CSMD1: variants seen among roughly 807,000 people sequenced by gnomAD.
CSMD1 encodes CUB and sushi domain-containing protein 1.
In CSMD1, 213 loss-of-function variants were observed where a neutral mutation model predicts 417.5. The ratio of observed to expected loss-of-function variants is 0.51; its 90% CI spans 0.46 to 0.57. The LOEUF (loss-of-function observed/expected upper bound fraction) is 0.57. Among genes scored for constraint, CSMD1 ranks in the 20% least tolerant of loss-of-function variants. The pLI is 0.00. For missense variants in CSMD1, 6,923 were observed against 4,529.7 expected, an observed-to-expected ratio of 1.53 and a Z score of -15.17; for synonymous variants, 2,862 against 1,736.8, an observed-to-expected ratio of 1.65 and a Z score of -16.11.
At chr8:4,730,902 C>T (rs1018064665) in intron 1 of CSMD1, among the ~76,000 whole-genome samples, 2 of 127,544 alleles carry the variant, frequency 1.6e-5, no homozygotes, top group East Asian at 2.5e-4. Flanking sequence ...GTGACTAAAC[C>T]GTGCTTTGTT....
rs1009246643 is a variant in CSMD1 at position 3,474,441 on chromosome 8, C to T, written c.1449-5617G>A. 3.3e-5 allele frequency among the ~76,000 whole-genome samples: 5 copies of T among 152,140 alleles called. No homozygotes were observed. The East Asian group carries it at 7.7e-4, about 24-fold the overall frequency. Reference sequence around the variant, plus strand: ...TTATTTATCCCTTGATGTAACCAACCTGCACCCCTATGAATGTCACTCATC... The same window carrying T: ...TTATTTATCCCTTGATGTAACCAACTTGCACCCCTATGAATGTCACTCATC... On this transcript the variant is annotated intron_variant, in intron 11 of 69. Coordinates refer to ENST00000635120, the MANE Select transcript of CSMD1 (RefSeq NM_033225.6).
chr8:3,405,001 C>G (rs1161525), intron 15 of CSMD1, among the ~76,000 whole-genome samples: 1 of 152,124 alleles, frequency 6.6e-6, no homozygotes, highest in Non-Finnish European at 1.5e-5. Flanking sequence ...AGGAATATAA[C>G]TTATGACTCA....
At chr8:4,502,803 C>A (rs1004123495) in intron 2 of CSMD1, among the ~76,000 whole-genome samples, 4 of 152,092 alleles carry the variant, frequency 2.6e-5, no homozygotes, top group Admixed American at 2.0e-4. Flanking sequence ...TTGGACTCAC[C>A]AGTAAATCCC....
At chr8:4,129,729 G>A (rs4875288) in intron 3 of CSMD1, among the ~76,000 whole-genome samples, 61,149 of 151,540 alleles carry the variant, frequency 0.4, 12,572 homozygotes, top group Non-Finnish European at 0.43. Context: ...CAGTTTTCTT[G>A]GGCCCTTTCA....
intron 12 of CSMD1, among the ~76,000 whole-genome samples, chr8:3,430,239 G>A (rs926002763): frequency 6.6e-6 from 1 of 152,038 alleles, no homozygotes; most frequent in Non-Finnish European, 1.5e-5. Context: ...TGCTATAAGG[G>A]AGATGTTATT....
chr8:3,519,149 T>G (rs893339987), intron 10 of CSMD1, among the ~76,000 whole-genome samples: 29 of 152,194 alleles, frequency 1.9e-4, no homozygotes, highest in Admixed American at 1.9e-3. Context: ...AAAACATACC[T>G]ATTTAATAAG....
chr8:3,335,254 C>G (rs1169471371), intron 23 of CSMD1, among the ~76,000 whole-genome samples: 4 of 152,194 alleles, frequency 2.6e-5, no homozygotes, highest in Non-Finnish European at 5.9e-5. Flanking sequence ...TACGAATTCA[C>G]AGTTCCAACC....
rs963435992 is a variant in CSMD1, at chr8:4,388,543, G to A, written c.415+31410C>T. Among the ~76,000 whole-genome samples, 62 of 151,580 alleles carry A rather than the reference G, an allele frequency of 4.1e-4. 1 individual carries two copies. The highest frequency in any genetic ancestry group is 8.8e-5 in the Non-Finnish European group (6 of 67,914). Reference sequence around the variant, plus strand: ...ATAAGAAGGATACAGTGGATTTTGGGGACTGAGGGGGAAGGGTGGGGGGGT... The same window carrying A: ...ATAAGAAGGATACAGTGGATTTTGGAGACTGAGGGGGAAGGGTGGGGGGGT... On this transcript the variant is annotated intron_variant, in intron 3 of 69. Coordinates refer to ENST00000635120, the MANE Select transcript of CSMD1 (RefSeq NM_033225.6).
intron 26 of CSMD1, among the ~76,000 whole-genome samples, chr8:3,268,350 G>A (rs549735481): frequency 1.2e-4 from 16 of 134,886 alleles, no homozygotes; most frequent in Middle Eastern, 4.8e-3. Context: ...AGGCTGGAGC[G>A]TGATCTCAGC....
At chr8:3,621,846 C>G (rs1796258073) in intron 7 of CSMD1, among the ~76,000 whole-genome samples, 1 of 151,920 alleles carries the variant, frequency 6.6e-6, no homozygotes, top group Non-Finnish European at 1.5e-5. Context: ...TGGGCTCAAA[C>G]AATTCTCCCA....
chr8:4,817,361 T>C (rs1464862950), intron 1 of CSMD1, among the ~76,000 whole-genome samples: 3 of 152,170 alleles, frequency 2.0e-5, no homozygotes, highest in Admixed American at 6.5e-5. Flanking sequence ...AAAACATCTA[T>C]AACAAATTAA....
At chr8:3,148,100 C>T (rs1818956087) in intron 40 of CSMD1, among the ~76,000 whole-genome samples, 1 of 152,136 alleles carries the variant, frequency 6.6e-6, no homozygotes, top group African/African-American at 2.4e-5. Flanking sequence ...TGAGTTGTAA[C>T]CACAGGAAAT....
At chr8:4,173,511 G>C (rs887341483) in intron 3 of CSMD1, among the ~76,000 whole-genome samples, 1 of 152,000 alleles carries the variant, frequency 6.6e-6, no homozygotes, top group South Asian at 2.1e-4. Flanking sequence ...TCGGTAGATG[G>C]GGATAAACAC....
intron 51 of CSMD1, among the ~76,000 whole-genome samples, chr8:3,020,585 G>A (rs1372862116): frequency 6.6e-6 from 1 of 151,918 alleles, no homozygotes; most frequent in Non-Finnish European, 1.5e-5. Context: ...TGTTGTCCAG[G>A]CTTGTCTGGA....
At chr8:4,760,817 G>A (rs2117093785) in intron 1 of CSMD1, among the ~76,000 whole-genome samples, 1 of 152,290 alleles carries the variant, frequency 6.6e-6, no homozygotes, top group South Asian at 2.1e-4. Context: ...AAGATCTGCT[G>A]CATTAGGAAG....
intron 3 of CSMD1, among the ~76,000 whole-genome samples, chr8:4,363,990 G>A (rs946371998): frequency 3.3e-5 from 5 of 152,072 alleles, no homozygotes; most frequent in African/African-American, 1.2e-4. Context: ...TAGCATAACA[G>A]GTTGACTGAC....
intron 4 of CSMD1, among the ~76,000 whole-genome samples, chr8:4,016,314 A>T (rs1464326780): frequency 6.6e-6 from 1 of 152,104 alleles, no homozygotes; most frequent in Non-Finnish European, 1.5e-5. Context: ...TAAATGGGGA[A>T]TAATTAACTA....
intron 11 of CSMD1, among the ~76,000 whole-genome samples, chr8:3,487,825 G>A (rs1039592973): frequency 9.2e-5 from 14 of 152,050 alleles, no homozygotes; most frequent in Admixed American, 3.9e-4. Context: ...CCCAGAAATC[G>A]TAAAAATCCT....
Position 3,309,065 on chromosome 8 carries a change from C to T in CSMD1, c.3632-562G>A, listed in dbSNP as rs563200284. On this transcript the variant is annotated intron_variant, in intron 23 of 69. Transcript: ENST00000635120. Reference sequence around the variant, plus strand: ...TCCGGAGTTCCACAACTTCATCTGTCAGTCCAAGCCTCCAGTCTGCACCCT... The same window carrying T: ...TCCGGAGTTCCACAACTTCATCTGTTAGTCCAAGCCTCCAGTCTGCACCCT... 1.2e-3 allele frequency among the ~76,000 whole-genome samples: 186 copies of T among 152,212 alleles called. 1 individual carries two copies. Among genetic ancestry groups the T allele is most frequent in the African/African-American group, 4.2e-3 (176 of 41,544 alleles).
Sources: gnomAD v4.1 joint callset for allele counts (sites outside exome capture counted in the v4.1 genomes callset) on GRCh38, gnomAD v4.1.1 for gene constraint, MANE v1.5 for transcripts, NCBI Gene and HGNC (gene_info 2026-07-23, HGNC 2026-07-21) for gene names.